Variants in KCNG2 observed in about 807,000 individuals in gnomAD.
KCNG2 encodes the protein voltage-gated potassium channel regulatory subunit KCNG2.
In KCNG2, 7 loss-of-function variants were observed where a neutral mutation model predicts 12.3. The ratio of observed to expected loss-of-function variants is 0.57; its 90% CI spans 0.32 to 1.07. The LOEUF (loss-of-function observed/expected upper bound fraction) is 1.07. Among genes scored for constraint, KCNG2 ranks in the 50% least tolerant of loss-of-function variants. The probability of loss-of-function intolerance (pLI) is 0.04; values close to 1 mark genes in which losing one functional copy is unlikely to be tolerated. For missense variants in KCNG2, 703 were observed against 726.0 expected, an observed-to-expected ratio of 0.97 and a Z score of 0.36; for synonymous variants, 414 against 351.4, an observed-to-expected ratio of 1.18 and a Z score of -1.99.
At position 79,860,683 on chromosome 18, in the gene KCNG2, G is replaced by A. The variant is rs190113250; in HGVS notation, c.-40-2945G>A. Among the ~76,000 whole-genome samples the A allele has an allele frequency of 7.3e-5, 11 of 149,876 alleles. No individual in the cohort carries two copies. In the East Asian group the frequency reaches 7.9e-4, roughly 11 times the overall value. On this transcript the variant is annotated intron_variant, in intron 2 of 3. Transcript: ENST00000316249. Reference sequence around the variant, plus strand: ...TAGTGATGTGTGTGTGTGTGTGTGCGCATGTGTATGTGTATGTGTGCGTGT... The same window carrying A: ...TAGTGATGTGTGTGTGTGTGTGTGCACATGTGTATGTGTATGTGTGCGTGT...
Position 79,831,593 on chromosome 18 carries a change from T to G in KCNG2, c.-114-24786T>G, listed in dbSNP as rs28450293. ...GCCTTCGTCAGGAGCGTGCCCTGCG[T>G]ACAGAGCCTTCGTCAGGAGCGTGCC... is the stretch of plus-strand genomic sequence containing the variant. On this transcript the variant is annotated intron_variant, in intron 1 of 3. Transcript: ENST00000316249. Among the ~76,000 whole-genome samples the G allele has an allele frequency of 8.5e-3, 579 of 67,784 alleles. 31 individuals are homozygous for G. Among genetic ancestry groups the G allele is most frequent in the African/African-American group, 0.024 (510 of 21,576 alleles). The allele number at this position is 67,784 out of a possible 152,430, so 44.5% of individuals were successfully genotyped here. A position where few individuals can be genotyped will look rare whatever the true frequency, so the allele number is the denominator to read the frequency against.
chr18:79,853,392 C>A (rs942726888), intron 1 of KCNG2, among the ~76,000 whole-genome samples: 2 of 152,070 alleles, frequency 1.3e-5, no homozygotes, highest in African/African-American at 2.4e-5. Flanking sequence ...TCACCGTAGG[C>A]GTCACTGAGC....
chr18:79,850,959 A>C (rs1978795260), intron 1 of KCNG2, among the ~76,000 whole-genome samples: 1 of 152,182 alleles, frequency 6.6e-6, no homozygotes, highest in South Asian at 2.1e-4. Flanking sequence ...ACATCCGTGG[A>C]GTCTTCGTGT....
At chr18:79,826,628 C>T (rs538711782) in intron 1 of KCNG2, among the ~76,000 whole-genome samples, 3 of 149,078 alleles carry the variant, frequency 2.0e-5, no homozygotes, top group Non-Finnish European at 4.4e-5. Flanking sequence ...CAGCTCCTCA[C>T]GGAAGATTAC....
intron 3 of KCNG2, among the ~76,000 whole-genome samples, chr18:79,872,909 C>G (rs1002335020): frequency 6.6e-6 from 1 of 152,236 alleles, no homozygotes. Context: ...CGTGTGGCCC[C>G]CTGTGTGGCG....
In KCNG2 at chr18:79,869,639, C is replaced by G. The variant is rs564529221; in HGVS notation, c.624+5348C>G. Among the ~76,000 whole-genome samples, 41 of 152,312 alleles carry G rather than the reference C, an allele frequency of 2.7e-4. No homozygotes were observed. The South Asian group carries it at 8.1e-3, about 30-fold the overall frequency. The stretch of plus-strand genomic sequence containing the variant: ...TCCCAGGAGAGAAAATCCGTTCTAT[C>G]CCAAACCCACAGCATCTTCGTGGCC... On this transcript the variant is annotated intron_variant, in intron 3 of 3. Transcript: ENST00000316249.
intron 1 of KCNG2, among the ~76,000 whole-genome samples, chr18:79,828,099 A>G (rs1423262857): frequency 6.6e-6 from 1 of 152,002 alleles, no homozygotes; most frequent in East Asian, 1.9e-4. Context: ...AATTCTTTGT[A>G]TCTTTTGTAG....
chr18:79,834,328 A>G (rs1244561485), intron 1 of KCNG2, among the ~76,000 whole-genome samples: 1 of 152,164 alleles, frequency 6.6e-6, no homozygotes, highest in East Asian at 1.9e-4. Flanking sequence ...GGTTGCAGCC[A>G]TTATGGTTTT....
At chr18:79,799,682 G>A (rs1385619122) in intron 1 of KCNG2, among the ~76,000 whole-genome samples, 1 of 152,260 alleles carries the variant, frequency 6.6e-6, no homozygotes, top group East Asian at 1.9e-4. Flanking sequence ...AAAAATTGGT[G>A]TTTTTGTAGG....
At chr18:79,872,290 T>TTTTTTTG (rs1555695127) in intron 3 of KCNG2, among the ~76,000 whole-genome samples, 2 of 135,524 alleles carry the variant, frequency 1.5e-5, no homozygotes, top group Non-Finnish European at 3.2e-5. Context: ...GTTTTTTTTT[T>TTTTTTTG]TTTTTTTTTT....
Position 79,900,078 on chromosome 18 carries a change from A to T in KCNG2, c.*262A>T, listed in dbSNP as rs907115774. On this transcript the variant is annotated 3_prime_UTR_variant, in exon 4 of 4. Transcript: ENST00000316249. ...TTTAATTTTCTACGCCTAGCTAAAA[A>T]TAAATTTAGTAAGTCCGAGAGATTC... is the stretch of plus-strand genomic sequence containing the variant. 16 of 350,844 alleles carry T rather than the reference A, an allele frequency of 4.6e-5. No individual in the cohort carries two copies. The highest frequency in any genetic ancestry group is 8.2e-5 in the Non-Finnish European group (16 of 196,128). 21.7% of individuals were successfully genotyped at this position (350,844 alleles called of 1,614,324 possible).
chr18:79,882,394 G>GA (rs57171164), intron 3 of KCNG2, among the ~76,000 whole-genome samples: 2 of 152,028 alleles, frequency 1.3e-5, no homozygotes, highest in Non-Finnish European at 2.9e-5. Context: ...TTAAGAGAAT[G>GA]AAAAAACAAG....
At chr18:79,863,141 A>C (rs917362541) in intron 2 of KCNG2, among the ~76,000 whole-genome samples, 1 of 152,242 alleles carries the variant, frequency 6.6e-6, no homozygotes, top group Non-Finnish European at 1.5e-5. Flanking sequence ...TCCGCCTCAC[A>C]GAATGCTGAG....
chr18:79,847,862 G>A (rs1978677312), intron 1 of KCNG2, among the ~76,000 whole-genome samples: 1 of 152,210 alleles, frequency 6.6e-6, no homozygotes, highest in African/African-American at 2.4e-5. Flanking sequence ...CACAATGCCC[G>A]AGGCACTAAA....
rs1322340443 is a variant in KCNG2, at chr18:79,872,377, C to T, written c.624+8086C>T. ...CACAGCTTACTGCAATCTCCACCTC[C>T]CGGGTTCAAGTGATTCTCCTGCCTC... On this transcript the variant is annotated intron_variant, in intron 3 of 3. Transcript: ENST00000316249. 1.1e-4 allele frequency among the ~76,000 whole-genome samples: 16 copies of T among 148,258 alleles called. No homozygotes were observed. The Admixed American group carries it at 1.1e-3, about 10-fold the overall frequency.
At chr18:79,858,826 A>G (rs948982993) in intron 2 of KCNG2, among the ~76,000 whole-genome samples, 1 of 152,084 alleles carries the variant, frequency 6.6e-6, no homozygotes, top group African/African-American at 2.4e-5. Context: ...ATGACTAATG[A>G]TATTGATCAC....
At chr18:79,828,176 C>G (rs968162057) in intron 1 of KCNG2, among the ~76,000 whole-genome samples, 56 of 152,218 alleles carry the variant, frequency 3.7e-4, no homozygotes, top group African/African-American at 1.3e-3. Flanking sequence ...CCGCCCACCT[C>G]GGCCTCCCAA....
chr18:79,899,205 G>A lies in KCNG2; in HGVS notation c.790G>A (p.Val264Met). 1.2e-6 allele frequency: 2 copies of A among 1,603,502 alleles called. No homozygotes were observed. Among genetic ancestry groups the A allele is most frequent in the Non-Finnish European group, 1.7e-6 (2 of 1,179,420 alleles). Residue 264 changes from valine to methionine, a missense_variant, in exon 4 of 4, where the codon GTG (valine) becomes ATG (methionine). Val to Met is a conservative substitution (Grantham distance 21). Transcript: ENST00000316249. ...IDILALLPFYVSLLLGLAAGP... is the reference protein window; with the variant it reads ...IDILALLPFYMSLLLGLAAGP... ...CATCCTGGCGCTCCTGCCGTTCTACGTGTCGCTGCTGCTGGGGCTGGCGGC... is the reference window on the plus strand; with the variant it reads ...CATCCTGGCGCTCCTGCCGTTCTACATGTCGCTGCTGCTGGGGCTGGCGGC...
chr18:79,803,575 G>T lies in KCNG2; in HGVS notation c.-115+5561G>T, dbSNP rs2087427342. On this transcript the variant is annotated intron_variant, in intron 1 of 3. Transcript: ENST00000316249. The surrounding 1 kb of genome is among the most constrained non-coding windows in gnomAD (Gnocchi z 4.5). ...ACCGACGAGGGGGCCTGTGATTCTG[G>T]GGGCTCCGATCGTGTTTCTTCCCTG... Among the ~76,000 whole-genome samples the T allele has an allele frequency of 6.6e-6, 1 of 152,188 alleles. No individual in the cohort carries two copies. The highest frequency in any genetic ancestry group is 1.5e-5 in the Non-Finnish European group (1 of 68,020).
Sources: allele counts gnomAD v4.1 joint callset (sites outside exome capture counted in the v4.1 genomes callset), GRCh38; gene constraint gnomAD v4.1.1; non-coding constraint Gnocchi (gnomAD v3.1); transcripts MANE v1.5; gene names NCBI Gene and HGNC (gene_info 2026-07-23, HGNC 2026-07-21).